The following RALGAPA1 variants were observed in gnomAD, a reference collection of about 807,000 sequenced individuals.
RALGAPA1 encodes the protein ral GTPase-activating protein subunit alpha-1.
A neutral mutation model predicts 269.6 loss-of-function variants in RALGAPA1; 52 were observed. The observed-to-expected ratio is 0.19, with a 90% CI of 0.15 to 0.24. The LOEUF (loss-of-function observed/expected upper bound fraction) is 0.24, where lower values mean the gene tolerates loss of function less well. Among genes scored for constraint, RALGAPA1 ranks in the 10% least tolerant of loss-of-function variants. RALGAPA1 has a pLI of 1.00. For missense variants in RALGAPA1, 1,917 were observed against 3,013.9 expected (o/e 0.64, Z 8.52); for synonymous variants, 817 against 1,008.3 (o/e 0.81, Z 3.60).
intron 37 of RALGAPA1, among the ~76,000 whole-genome samples, chr14:35,589,572 G>T (rs1162763130): frequency 2.0e-5 from 3 of 151,912 alleles, no homozygotes; most frequent in Non-Finnish European, 4.4e-5. Flanking sequence ...AAATATATGA[G>T]AAATATACTT....
chr14:35,604,004 G>A (rs1298453241), intron 36 of RALGAPA1, among the ~76,000 whole-genome samples: 1 of 152,084 alleles, frequency 6.6e-6, no homozygotes, highest in Non-Finnish European at 1.5e-5. Context: ...GATTTGAAAT[G>A]TTCCCAACAC....
chr14:35,699,343 C>A (rs1415546404), intron 17 of RALGAPA1, among the ~76,000 whole-genome samples: 1 of 151,924 alleles, frequency 6.6e-6, no homozygotes, highest in Non-Finnish European at 1.5e-5. Flanking sequence ...TCAAAAAGGT[C>A]ACTGGGAAAC....
intron 26 of RALGAPA1, among the ~76,000 whole-genome samples, chr14:35,668,788 G>A (rs889733847): frequency 1.8e-4 from 28 of 152,108 alleles, no homozygotes; most frequent in African/African-American, 6.8e-4. Flanking sequence ...CTGTGCTACA[G>A]AGCAAGACCC....
chr14:35,612,317 G>C (rs2059985510), intron 35 of RALGAPA1, among the ~76,000 whole-genome samples: 1 of 148,676 alleles, frequency 6.7e-6, no homozygotes, highest in Admixed American at 6.7e-5. Context: ...GTTGCAGTGA[G>C]CTGTGACTGC....
intron 12 of RALGAPA1, among the ~76,000 whole-genome samples, chr14:35,735,843 G>A (rs996863938): frequency 6.6e-6 from 1 of 152,120 alleles, no homozygotes; most frequent in Admixed American, 6.5e-5. Flanking sequence ...CATTTCTAAA[G>A]TTTTACTCTG....
intron 31 of RALGAPA1, among the ~76,000 whole-genome samples, chr14:35,648,188 T>G (rs1363174950): frequency 1.3e-5 from 2 of 151,054 alleles, no homozygotes; most frequent in Non-Finnish European, 2.9e-5. Flanking sequence ...TTCCAGCTAC[T>G]TGGGAGGCTG....
At position 35,627,645 on chromosome 14, in the gene RALGAPA1, A is replaced by G; in HGVS notation, c.6302T>C (p.Val2101Ala). The G allele has an allele frequency of 3.8e-6, 6 of 1,590,012 alleles. No individual in the cohort carries two copies. Among genetic ancestry groups the G allele is most frequent in the Non-Finnish European group, 5.1e-6 (6 of 1,166,494 alleles). Residue 2101 changes from valine (V) to alanine (A), a missense_variant, in exon 34 of 42, where the codon GTC becomes GCC. Transcript: ENST00000680220. ...SAGLASANSN[V>A]RIIVRDLSGK... ...AGAGAGATCACGTACTATGATTCTGACATTTGAATTGGCTGATGCAAGGCC... is the reference window on the plus strand; with the variant it reads ...AGAGAGATCACGTACTATGATTCTGGCATTTGAATTGGCTGATGCAAGGCC...
chr14:35,610,865 T>A (rs771431956), intron 35 of RALGAPA1, among the ~76,000 whole-genome samples: 8 of 152,154 alleles, frequency 5.3e-5, no homozygotes, highest in Non-Finnish European at 7.4e-5. Context: ...AAAAACAAAA[T>A]TTTAAAAATT....
intron 39 of RALGAPA1, among the ~76,000 whole-genome samples, chr14:35,559,092 G>A (rs968481778): frequency 2.0e-5 from 3 of 152,136 alleles, no homozygotes; most frequent in Non-Finnish European, 4.4e-5. Flanking sequence ...CAGATGGGCG[G>A]TAACAGTGGT....
intron 1 of RALGAPA1, among the ~76,000 whole-genome samples, chr14:35,805,164 C>T (rs1299628293): frequency 3.3e-5 from 5 of 151,724 alleles, no homozygotes; most frequent in African/African-American, 9.7e-5. Flanking sequence ...TGGCTCATGC[C>T]TGTAATCCCA....
At chr14:35,709,640 C>T (rs1170435735) in intron 16 of RALGAPA1, among the ~76,000 whole-genome samples, 1 of 151,902 alleles carries the variant, frequency 6.6e-6, no homozygotes, top group Non-Finnish European at 1.5e-5. Flanking sequence ...ATGGTGGAAG[C>T]TTAGATTACT....
At chr14:35,586,094 T>C (rs561876382) in intron 37 of RALGAPA1, among the ~76,000 whole-genome samples, 1 of 152,306 alleles carries the variant, frequency 6.6e-6, no homozygotes, top group African/African-American at 2.4e-5. Flanking sequence ...GCATGGAATG[T>C]TCTTCTATTT....
chr14:35,770,542 A>G (rs1391585945), intron 4 of RALGAPA1, among the ~76,000 whole-genome samples: 2 of 152,222 alleles, frequency 1.3e-5, no homozygotes, highest in Admixed American at 6.5e-5. Flanking sequence ...TAAAACAAAT[A>G]GAACTAGCAA....
At chr14:35,585,067 T>A (rs193074074) in intron 37 of RALGAPA1, among the ~76,000 whole-genome samples, 4 of 152,088 alleles carry the variant, frequency 2.6e-5, no homozygotes, top group Non-Finnish European at 2.9e-5. Flanking sequence ...AGCAAGAAAG[T>A]TATCAGCGAT....
At chr14:35,726,940 G>T (rs2069978668) in intron 13 of RALGAPA1, among the ~76,000 whole-genome samples, 1 of 152,092 alleles carries the variant, frequency 6.6e-6, no homozygotes, top group African/African-American at 2.4e-5. Context: ...CTGTATCATA[G>T]GGTGCTGTAA....
rs2066301786 is a variant in RALGAPA1, at chr14:35,689,552, ATTTTCCTGG to A, written c.2850_2858del (p.Gln951_Asn953del). 1.6e-6 allele frequency: 2 copies of A among 1,241,688 alleles called. No homozygotes were observed. Among genetic ancestry groups the A allele is most frequent in the Non-Finnish European group, 1.0e-6 (1 of 994,770 alleles). 76.9% of individuals were successfully genotyped at this position (1,241,688 alleles called of 1,614,324 possible). ...CTTTCCCTGTCTCATTTTTACTATG[ATTTTCCTGG>A]TTTTCCTTAAAATATTCTTTCAGGG... On this transcript the variant is annotated inframe_deletion, in exon 18 of 42. Transcript: ENST00000680220.
At chr14:35,557,390 GATTTT>G (rs2055732735) in intron 39 of RALGAPA1, among the ~76,000 whole-genome samples, 1 of 151,126 alleles carries the variant, frequency 6.6e-6, no homozygotes, top group South Asian at 2.1e-4. Flanking sequence ...ATTTAATTAA[GATTTT>G]ATTTAAGTGC....
intron 37 of RALGAPA1, among the ~76,000 whole-genome samples, chr14:35,593,473 A>C (rs1566772000): frequency 6.6e-6 from 1 of 152,158 alleles, no homozygotes; most frequent in Non-Finnish European, 1.5e-5. Flanking sequence ...AAATAGAAAA[A>C]TCAATTCTAA....
intron 13 of RALGAPA1, among the ~76,000 whole-genome samples, chr14:35,725,701 C>CA (rs766400524): frequency 0.018 from 2,375 of 133,516 alleles, 34 homozygotes; most frequent in East Asian, 0.079. Context: ...CCTTGTCTCT[C>CA]AAAAAAAAAA....
Sources: allele counts gnomAD v4.1 joint callset (sites outside exome capture counted in the v4.1 genomes callset), GRCh38; gene constraint gnomAD v4.1.1; transcripts MANE v1.5; gene names NCBI Gene and HGNC (gene_info 2026-07-23, HGNC 2026-07-21).